FAM156A: variants seen among roughly 807,000 people sequenced by gnomAD.
The protein encoded by FAM156A is protein FAM156A/FAM156B.
At chrX:52,977,122 A>C (rs1929545675) in intron 1 of FAM156A, among the ~76,000 whole-genome samples, 1 of 107,422 alleles carries the variant, frequency 9.3e-6, no homozygotes, top group African/African-American at 3.4e-5. Flanking sequence ...ATATATATAT[A>C]TATATCTTGA....
intron 1 of FAM156A, among the ~76,000 whole-genome samples, chrX:52,975,230 T>C (rs1432372194): frequency 2.7e-5 from 3 of 111,399 alleles, no homozygotes; most frequent in African/African-American, 9.8e-5. Context: ...TGCCACGGCA[T>C]GATGCACAGC....
chrX:52,983,673 G>A (rs1415533775), intron 1 of FAM156A, among the ~76,000 whole-genome samples: 1 of 112,145 alleles, frequency 8.9e-6, no homozygotes, highest in African/African-American at 3.2e-5. Context: ...TGAATTCCCA[G>A]TCCCTTTCTT....
intron 1 of FAM156A, among the ~76,000 whole-genome samples, chrX:52,974,286 G>A (rs1164369911): frequency 8.9e-6 from 1 of 112,352 alleles, no homozygotes; most frequent in Non-Finnish European, 1.9e-5. Flanking sequence ...TGTACATGAA[G>A]TGGTAGGACA....
intron 1 of FAM156A, among the ~76,000 whole-genome samples, chrX:52,993,408 C>CTT (rs147840894): frequency 5.4e-4 from 23 of 42,555 alleles, no homozygotes; most frequent in African/African-American, 1.8e-3. Context: ...TCTTAACTTT[C>CTT]TTTTTTTTTT....
chrX:52,977,105 CATAT>C (rs59645649), intron 1 of FAM156A, among the ~76,000 whole-genome samples: 31 of 97,590 alleles, frequency 3.2e-4, no homozygotes, highest in South Asian at 1.4e-3. Context: ...CACACACACA[CATAT>C]ATATATATAT....
intron 1 of FAM156A, among the ~76,000 whole-genome samples, chrX:52,994,563 G>A (rs1931027884): frequency 9.0e-6 from 1 of 110,983 alleles, no homozygotes; most frequent in South Asian, 3.8e-4. Flanking sequence ...CACCAGCTGG[G>A]AAACATCACA....
At chrX:52,981,675 T>C (rs1929920937) in intron 1 of FAM156A, among the ~76,000 whole-genome samples, 1 of 111,909 alleles carries the variant, frequency 8.9e-6, no homozygotes, top group African/African-American at 3.3e-5. Context: ...CAAGCATGGA[T>C]GACATCTGTA....
intron 1 of FAM156A, among the ~76,000 whole-genome samples, chrX:52,989,298 TC>T (rs1930522747): frequency 9.0e-6 from 1 of 111,420 alleles, no homozygotes; most frequent in Non-Finnish European, 1.9e-5. Flanking sequence ...GCTCACAACC[TC>T]AGAACTTCCC....
chrX:52,973,961 G>A (rs1480002141), intron 1 of FAM156A, among the ~76,000 whole-genome samples: 4 of 110,739 alleles, frequency 3.6e-5, no homozygotes, highest in Non-Finnish European at 3.8e-5. Flanking sequence ...ACGGGGCCCG[G>A]CTGATTTTTT....
intron 1 of FAM156A, among the ~76,000 whole-genome samples, chrX:52,990,289 G>A (rs1210219835): frequency 2.7e-5 from 3 of 111,950 alleles, no homozygotes; most frequent in South Asian, 3.8e-4. Context: ...AGACCTCACC[G>A]TGGGACCACA....
intron 1 of FAM156A, chrX:52,995,190 A>G (rs1036400006): frequency 8.9e-6 from 1 of 112,282 alleles, no homozygotes; most frequent in Non-Finnish European, 1.9e-5. Flanking sequence ...AAACAAGCTC[A>G]GAGACCGCTC....
chrX:52,974,433 G>C (rs1406538193), intron 1 of FAM156A, among the ~76,000 whole-genome samples: 1 of 111,859 alleles, frequency 8.9e-6, no homozygotes, highest in Non-Finnish European at 1.9e-5. Context: ...ACTCAGCACA[G>C]TACCTAGAAC....
chrX:52,975,725 T>G (rs1490697362), intron 1 of FAM156A, among the ~76,000 whole-genome samples: 1 of 112,156 alleles, frequency 8.9e-6, no homozygotes, highest in African/African-American at 3.2e-5. Flanking sequence ...TCTGAAGTGA[T>G]GATGCTGCAG....
chrX:52,987,046 T>C (rs1556794585), intron 1 of FAM156A, among the ~76,000 whole-genome samples: 1 of 112,123 alleles, frequency 8.9e-6, no homozygotes, highest in Non-Finnish European at 1.9e-5. Context: ...GCAAAGCACT[T>C]CTATAGACTA....
intron 1 of FAM156A, among the ~76,000 whole-genome samples, chrX:52,974,908 A>G (rs1226551322): frequency 1.8e-5 from 2 of 110,661 alleles, no homozygotes; most frequent in African/African-American, 3.3e-5. Context: ...TAAACCCTAC[A>G]CTAAATTCCT....
rs1929820346 is a variant in FAM156A, at chrX:52,980,780, CTCTGTGTGTG to C, written c.-434+14516_-434+14525del. Among the ~76,000 whole-genome samples, 33 of 61,834 alleles carry C rather than the reference CTCTGTGTGTG, an allele frequency of 5.3e-4. 1 individual carries two copies. The Admixed American group carries it at 6.7e-3, about 13-fold the overall frequency. The allele number at this position is 61,834 out of a possible 115,157, so 53.7% of individuals were successfully genotyped here. A position where few individuals can be genotyped will look rare whatever the true frequency, so the allele number is the denominator to read the frequency against. On this transcript the variant is annotated intron_variant, in intron 1 of 4. Coordinates refer to the FAM156A transcript ENST00000610625. ...GTAAGCAGCCTTTTGGTTAGGGTTC[CTCTGTGTGTG>C]TGTGTGTGTGTGTGTGTGTGTGTGT... is the stretch of plus-strand genomic sequence containing the variant.
intron 1 of FAM156A, among the ~76,000 whole-genome samples, chrX:52,973,720 T>C (rs1425772934): frequency 8.9e-6 from 1 of 112,148 alleles, no homozygotes; most frequent in African/African-American, 3.2e-5. Context: ...TGGAGTGCAG[T>C]GGCACGATCT....
intron 1 of FAM156A, among the ~76,000 whole-genome samples, chrX:52,987,457 C>T (rs1432803073): frequency 9.0e-6 from 1 of 110,716 alleles, no homozygotes; most frequent in Admixed American, 9.7e-5. Flanking sequence ...CACTGCACTC[C>T]AGCCTGAGTG....
chrX:52,987,011 G>C (rs1443678489), intron 1 of FAM156A, among the ~76,000 whole-genome samples: 1 of 111,959 alleles, frequency 8.9e-6, no homozygotes. Context: ...AACATTATAG[G>C]ATATATGTTC....
Sources: allele counts gnomAD v4.1 joint callset (sites outside exome capture counted in the v4.1 genomes callset), GRCh38; gene constraint gnomAD v4.1.1; transcripts MANE v1.5; gene names NCBI Gene and HGNC (gene_info 2026-07-23, HGNC 2026-07-21).